PTPRK: variants seen among roughly 807,000 people sequenced by gnomAD.
PTPRK encodes the protein protein tyrosine phosphatase receptor type K.
A neutral mutation model predicts 178.0 loss-of-function variants in PTPRK; 75 were observed. That is an observed-to-expected ratio of 0.42 (90% CI 0.35 to 0.51). The LOEUF is 0.51. Among genes scored for constraint, PTPRK ranks in the 20% least tolerant of loss-of-function variants. PTPRK has a pLI of 0.02. For missense variants in PTPRK, 1,441 were observed against 1,797.8 expected, an observed-to-expected ratio of 0.80 and a Z score of 3.59; for synonymous variants, 637 against 620.6, an observed-to-expected ratio of 1.03 and a Z score of -0.39.
At chr6:128,450,142 G>T (rs1310913979) in intron 1 of PTPRK, among the ~76,000 whole-genome samples, 1 of 150,652 alleles carries the variant, frequency 6.6e-6, no homozygotes. Flanking sequence ...AGAAGGAAAA[G>T]AAAAGAAAAA....
In PTPRK at chr6:128,422,676, C is replaced by CAAAAAA. The variant is rs750423577; in HGVS notation, c.101-24994_101-24989dup. ...AATAGTTTTTAACATTTCACGGACG[C>CAAAAAA]AAAAAAAAAAAAAAAAAAAAAAAAA... On this transcript the variant is annotated intron_variant, in intron 1 of 29. Coordinates refer to ENST00000368226, the MANE Select transcript of PTPRK (RefSeq NM_002844.4). Among the ~76,000 whole-genome samples, 24 of 14,718 alleles carry CAAAAAA rather than the reference C, an allele frequency of 1.6e-3. 5 individuals are homozygous for CAAAAAA. The highest frequency in any genetic ancestry group is 4.0e-3 in the African/African-American group (24 of 6,040). 9.7% of individuals were successfully genotyped at this position (14,718 alleles called of 152,430 possible). A position where few individuals can be genotyped will look rare whatever the true frequency, so the allele number is the denominator to read the frequency against.
At chr6:128,470,653 C>A (rs1258592158) in intron 1 of PTPRK, among the ~76,000 whole-genome samples, 1 of 150,768 alleles carries the variant, frequency 6.6e-6, no homozygotes, top group Non-Finnish European at 1.5e-5. Flanking sequence ...AAAAAGAAAT[C>A]AATATTGTGC....
intron 27 of PTPRK, among the ~76,000 whole-genome samples, chr6:127,976,245 T>C (rs1239443633): frequency 6.6e-6 from 1 of 152,198 alleles, no homozygotes; most frequent in African/African-American, 2.4e-5. Context: ...GTCTCTTTCC[T>C]CCTGCAGTAC....
intron 13 of PTPRK, among the ~76,000 whole-genome samples, chr6:128,034,979 T>G (rs929170833): frequency 6.6e-6 from 1 of 152,238 alleles, no homozygotes; most frequent in African/African-American, 2.4e-5. Context: ...TGCAAACTAC[T>G]TAGTTTACAT....
chr6:128,065,921 A>T (rs1489518881), intron 12 of PTPRK, among the ~76,000 whole-genome samples: 1 of 152,244 alleles, frequency 6.6e-6, no homozygotes, highest in African/African-American at 2.4e-5. Context: ...CTTTGCCAAG[A>T]TAACTGTGAA....
At chr6:128,184,037 CTG>C (rs1802364285) in intron 7 of PTPRK, among the ~76,000 whole-genome samples, 3 of 152,162 alleles carry the variant, frequency 2.0e-5, no homozygotes, top group Non-Finnish European at 4.4e-5. Context: ...TTTACACTGA[CTG>C]TAACAAAATT....
chr6:128,321,990 T>C, intron 3 of PTPRK, 49 bp downstream of exon 3: 1 of 1,610,032 alleles, frequency 6.2e-7, no homozygotes, highest in Non-Finnish European at 8.5e-7. Context: ...ACACATATAG[T>C]GAGAACTGAT....
intron 2 of PTPRK, among the ~76,000 whole-genome samples, chr6:128,330,033 T>A (rs888543376): frequency 6.6e-6 from 1 of 152,200 alleles, no homozygotes; most frequent in East Asian, 1.9e-4. Flanking sequence ...ACCAACGCAC[T>A]GTGCAAAACA....
chr6:127,984,656 T>C (rs550429909), intron 22 of PTPRK, among the ~76,000 whole-genome samples: 2 of 152,240 alleles, frequency 1.3e-5, no homozygotes, highest in Non-Finnish European at 2.9e-5. Flanking sequence ...GATAGGCTAG[T>C]AACATTATTT....
At chr6:128,249,009 T>G (rs916801791) in intron 3 of PTPRK, among the ~76,000 whole-genome samples, 3 of 152,158 alleles carry the variant, frequency 2.0e-5, no homozygotes, top group Non-Finnish European at 4.4e-5. Context: ...TCTGCCTTTT[T>G]TTATAGTAAG....
At chr6:128,012,053 T>C (rs568328682) in intron 13 of PTPRK, among the ~76,000 whole-genome samples, 4 of 151,396 alleles carry the variant, frequency 2.6e-5, no homozygotes, top group African/African-American at 9.7e-5. Context: ...TGTTCACTAA[T>C]CTTCAACATA....
intron 1 of PTPRK, among the ~76,000 whole-genome samples, chr6:128,417,060 G>GTA (rs550824560): frequency 7.9e-4 from 118 of 149,838 alleles, no homozygotes; most frequent in African/African-American, 2.3e-3. Context: ...AATTTTATGT[G>GTA]TATATATATA....
intron 7 of PTPRK, among the ~76,000 whole-genome samples, chr6:128,180,260 G>GCTT (rs1263372758): frequency 1.3e-5 from 2 of 151,768 alleles, no homozygotes; most frequent in African/African-American, 4.8e-5. Context: ...TATTTGCCTA[G>GCTT]CTTCTATACC....
At chr6:128,515,433 C>T (rs904247163) in intron 1 of PTPRK, among the ~76,000 whole-genome samples, 3 of 151,274 alleles carry the variant, frequency 2.0e-5, no homozygotes, top group Admixed American at 2.0e-4. Flanking sequence ...AAAAACAAGT[C>T]ATGTTCAAAA....
At chr6:128,277,599 TG>T (rs1450877648) in intron 3 of PTPRK, among the ~76,000 whole-genome samples, 3 of 152,118 alleles carry the variant, frequency 2.0e-5, no homozygotes, top group African/African-American at 7.2e-5. Flanking sequence ...GATCAATACC[TG>T]GGGTGGGAAG....
intron 13 of PTPRK, among the ~76,000 whole-genome samples, chr6:128,034,852 C>G (rs1261636688): frequency 6.6e-6 from 1 of 151,996 alleles, no homozygotes; most frequent in Non-Finnish European, 1.5e-5. Context: ...AATGTTTAAA[C>G]TGAAAAGTGA....
chr6:128,448,908 G>A (rs896731390), intron 1 of PTPRK, among the ~76,000 whole-genome samples: 35 of 152,162 alleles, frequency 2.3e-4, no homozygotes, highest in African/African-American at 5.1e-4. Context: ...CACCCAGGCC[G>A]GAGCACAATG....
intron 7 of PTPRK, among the ~76,000 whole-genome samples, chr6:128,135,352 T>C (rs1293714264): frequency 6.6e-6 from 1 of 150,984 alleles, no homozygotes; most frequent in African/African-American, 2.5e-5. Context: ...AGAGCAGTGG[T>C]GCTCTTCCCT....
intron 3 of PTPRK, among the ~76,000 whole-genome samples, chr6:128,296,247 C>T (rs1265444267): frequency 1.3e-5 from 2 of 152,118 alleles, no homozygotes; most frequent in African/African-American, 2.4e-5. Flanking sequence ...TAGTAGATAC[C>T]TATTCAGAAT....
Sources: allele counts gnomAD v4.1 joint callset (sites outside exome capture counted in the v4.1 genomes callset), GRCh38; gene constraint gnomAD v4.1.1; transcripts MANE v1.5; gene names NCBI Gene and HGNC (gene_info 2026-07-23, HGNC 2026-07-21).